The following DDB2 variants were observed in gnomAD, a reference collection of about 807,000 sequenced individuals.
DDB2 encodes the protein DNA damage-binding protein 2.
Under a neutral mutation model 50.5 loss-of-function variants are expected in DDB2, and 27 were observed. The observed-to-expected ratio is 0.53, with a 90% CI of 0.39 to 0.74. The LOEUF is 0.74. Ranked by LOEUF, DDB2 falls within the 30% of genes least tolerant of loss-of-function variation. DDB2 has a pLI of 0.00. For synonymous variants in DDB2, 176 were observed against 205.5 expected, an observed-to-expected ratio of 0.86 and a Z score of 1.23; for missense variants, 424 against 545.6, an observed-to-expected ratio of 0.78 and a Z score of 2.22.
At chr11:47,229,087 C>A (rs746916266) in intron 3 of DDB2, among the ~76,000 whole-genome samples, 1 of 151,260 alleles carries the variant, frequency 6.6e-6, no homozygotes, top group Non-Finnish European at 1.5e-5. Context: ...TAGGTAGGAT[C>A]AAGCAAGATA....
intron 3 of DDB2, among the ~76,000 whole-genome samples, chr11:47,226,725 G>C (rs573939618): frequency 2.8e-5 from 4 of 144,254 alleles, no homozygotes; most frequent in South Asian, 2.2e-4. Flanking sequence ...GTCTATTCAA[G>C]TCCTTTGCCT....
rs1953669573 is a variant in DDB2, at chr11:47,232,896, C to T, written c.539C>T (p.Thr180Ile). Residue 180 changes from threonine to isoleucine, a missense_variant, in exon 4 of 10, where the codon ACA (threonine) becomes ATA (isoleucine). Physicochemically the swap from Thr to Ile is moderately conservative, Grantham distance 89. Transcript: ENST00000256996. ...TTTTACGCCTCCTCAATGGAGGGAA[C>T]AACTAGGCTGCAAGACTTTAAAGGC... ...NQFYASSMEG[T>I]TRLQDFKGNI... 2 of 1,614,014 alleles carry T rather than the reference C, an allele frequency of 1.2e-6. No individual in the cohort carries two copies. Among genetic ancestry groups the T allele is most frequent in the Non-Finnish European group, 1.7e-6 (2 of 1,180,006 alleles).
Position 47,234,609 on chromosome 11 carries a change from C to T in DDB2, c.639C>T (p.Ser213=). 3 of 1,614,076 alleles carry T rather than the reference C, an allele frequency of 1.9e-6. No homozygotes were observed. Among genetic ancestry groups the T allele is most frequent in the Non-Finnish European group, 2.5e-6 (3 of 1,180,010 alleles). The change falls in exon 5 of 10, where the codon AGC becomes AGT. Residue 213 remains serine (S), a synonymous_variant. Coordinates refer to ENST00000256996, the MANE Select transcript of DDB2 (RefSeq NM_000107.3). ...WFCSLDVSAS[S]RMVVTGDNVG... ...GTAGCCTGGATGTGTCTGCTAGTAG[C>T]CGAATGGTGGTCACAGGAGACAACG... is the stretch of plus-strand genomic sequence containing the variant.
intron 9 of DDB2, 29 bp downstream of exon 9, chr11:47,238,212 G>A (rs1953769450): frequency 6.3e-7 from 1 of 1,589,942 alleles, no homozygotes; most frequent in African/African-American, 1.3e-5. Flanking sequence ...TCTCTGACTT[G>A]CCAAGTCCGA....
chr11:47,227,256 G>A (rs1252454736), intron 3 of DDB2, among the ~76,000 whole-genome samples: 4 of 148,428 alleles, frequency 2.7e-5, no homozygotes, highest in African/African-American at 9.9e-5. Flanking sequence ...ACAGGCATGC[G>A]CCACCATGCC....
chr11:47,235,875 C>CTTT, intron 7 of DDB2: 1 of 118,198 alleles, frequency 8.5e-6, no homozygotes. Flanking sequence ...TCCTGCCTCA[C>CTTT]TTTTTTTTTT....
At chr11:47,235,039 T>C (rs1236011424) in intron 6 of DDB2, 105 bp downstream of exon 6, 9 of 1,380,752 alleles carry the variant, frequency 6.5e-6, no homozygotes, top group African/African-American at 4.3e-5. Flanking sequence ...TTACCCCTGA[T>C]AGCGTCTGCC....
At chr11:47,233,707 C>G (rs1241878834) in intron 4 of DDB2, among the ~76,000 whole-genome samples, 2 of 34,262 alleles carry the variant, frequency 5.8e-5, no homozygotes, top group African/African-American at 2.4e-4. Flanking sequence ...GAAAATCTAT[C>G]TCAAAAAAAA....
intron 1 of DDB2, chr11:47,216,128 T>G: frequency 1.3e-6 from 1 of 745,526 alleles, no homozygotes; most frequent in Non-Finnish European, 2.4e-6. Context: ...GACTTACTGT[T>G]TGTGGGAGTG....
chr11:47,234,242 C>T (rs1211591548), intron 4 of DDB2, among the ~76,000 whole-genome samples: 1 of 152,016 alleles, frequency 6.6e-6, no homozygotes, highest in African/African-American at 2.4e-5. Context: ...GTAAAGGAGG[C>T]TTGCTCAGAA....
At chr11:47,216,077 G>T in intron 1 of DDB2, 2 of 576,450 alleles carry the variant, frequency 3.5e-6, no homozygotes, top group Non-Finnish European at 6.3e-6. Context: ...CTTTGGCTGG[G>T]GTCTCAGGAA....
rs756188946 is a variant in DDB2 at position 47,234,821 on chromosome 11, G to T, written c.767G>T (p.Trp256Leu). The change falls in exon 6 of 10, where the codon TGG (tryptophan) becomes TTG (leucine). Residue 256 changes from tryptophan to leucine, a missense_variant. Trp to Leu is a moderately conservative substitution (Grantham distance 61). Coordinates refer to ENST00000256996, the MANE Select transcript of DDB2 (RefSeq NM_000107.3). ...GTGGCCCTGAACCCATGCTGTGATT[G>T]GTTCCTGGCCACAGCCTCCGTAGAT... ...THVALNPCCDWFLATASVDQT... is the reference protein window; with the variant it reads ...THVALNPCCDLFLATASVDQT... 6.2e-7 allele frequency: 1 copy of T among 1,614,230 alleles called. No individual in the cohort carries two copies. Among genetic ancestry groups the T allele is most frequent in the South Asian group, 1.1e-5 (1 of 91,088 alleles).
At chr11:47,219,509 C>A (rs983149066) in intron 3 of DDB2, among the ~76,000 whole-genome samples, 1 of 152,034 alleles carries the variant, frequency 6.6e-6, no homozygotes, top group Non-Finnish European at 1.5e-5. Context: ...TACAGGTACG[C>A]ACCACCATGC....
At chr11:47,224,206 T>A (rs1006765043) in intron 3 of DDB2, among the ~76,000 whole-genome samples, 1 of 152,068 alleles carries the variant, frequency 6.6e-6, no homozygotes, top group Non-Finnish European at 1.5e-5. Context: ...TGTGGGGGGA[T>A]CACTAAGCTT....
At chr11:47,226,152 G>C (rs1953553922) in intron 3 of DDB2, among the ~76,000 whole-genome samples, 1 of 152,074 alleles carries the variant, frequency 6.6e-6, no homozygotes, top group Admixed American at 6.6e-5. Context: ...TCATCAAATG[G>C]TAATTTTGTT....
chr11:47,237,638 T>C (rs1454022022), intron 7 of DDB2, 199 bp from the exon 8 acceptor site: 18 of 575,516 alleles, frequency 3.1e-5, no homozygotes, highest in Middle Eastern at 4.7e-4. Context: ...GGTTTCACCA[T>C]GTTAGCCAGG....
chr11:47,215,564 C>T lies in DDB2; in HGVS notation c.127+301C>T, dbSNP rs1323340828. 5 of 419,992 alleles carry T rather than the reference C, an allele frequency of 1.2e-5. No individual in the cohort carries two copies. In the East Asian group the frequency reaches 1.5e-4, roughly 12 times the overall value. The allele number at this position is 419,992 out of a possible 1,614,324, so 26.0% of individuals were successfully genotyped here. ...CTTCAGAGAATCCTACCTTTCCTGG[C>T]GCTGTGTGTGCTGGATTTCATAGTC... is the stretch of plus-strand genomic sequence containing the variant. On this transcript the variant is annotated intron_variant, in intron 1 of 9. Coordinates refer to ENST00000256996, the MANE Select transcript of DDB2 (RefSeq NM_000107.3).
chr11:47,235,865 T>G (rs1482220698), intron 7 of DDB2: 1 of 151,064 alleles, frequency 6.6e-6, no homozygotes, highest in Non-Finnish European at 1.4e-5. Flanking sequence ...CAAGCGATCC[T>G]CCTGCCTCAC....
intron 1 of DDB2, chr11:47,215,528 A>G (rs1488592631): frequency 2.0e-6 from 1 of 493,098 alleles, no homozygotes; most frequent in East Asian, 3.8e-5. Context: ...GTTCTTGCAC[A>G]GTTAGGACGG....
Sources: gnomAD v4.1 joint callset for allele counts (sites outside exome capture counted in the v4.1 genomes callset) on GRCh38, gnomAD v4.1.1 for gene constraint, MANE v1.5 for transcripts, NCBI Gene and HGNC (gene_info 2026-07-23, HGNC 2026-07-21) for gene names.